The following SPCS2 variants were observed in gnomAD, a reference collection of about 807,000 sequenced individuals.
The protein encoded by SPCS2 is signal peptidase complex subunit 2.
A neutral mutation model predicts 22.3 loss-of-function variants in SPCS2; 3 were observed. The observed-to-expected ratio is 0.13, with a 90% CI of 0.06 to 0.35. The LOEUF (loss-of-function observed/expected upper bound fraction) is 0.35. Among genes scored for constraint, SPCS2 ranks in the 10% least tolerant of loss-of-function variants. SPCS2 has a pLI of 1.00. For missense variants in SPCS2, 169 were observed against 280.9 expected, an observed-to-expected ratio of 0.60 and a Z score of 2.85; for synonymous variants, 67 against 97.2, an observed-to-expected ratio of 0.69 and a Z score of 1.83.
intron 1 of SPCS2, chr11:74,963,702 C>T: frequency 2.8e-6 from 1 of 358,600 alleles, no homozygotes; most frequent in Non-Finnish European, 5.6e-6. Flanking sequence ...TCACCACTGC[C>T]ATCTCTTTAT....
intron 1 of SPCS2, among the ~76,000 whole-genome samples, chr11:74,958,896 C>T (rs758407191): frequency 2.0e-5 from 3 of 152,058 alleles, no homozygotes; most frequent in Admixed American, 6.6e-5. Context: ...TCCAGATCAT[C>T]TGCCAGGTTG....
intron 1 of SPCS2, among the ~76,000 whole-genome samples, chr11:74,951,386 A>AC (rs1948443843): frequency 1.3e-5 from 2 of 152,322 alleles, no homozygotes; most frequent in Admixed American, 1.3e-4. Context: ...GAGCACTCAG[A>AC]ATAGCCAAAT....
chr11:74,976,655 A>G (rs1948615613), intron 4 of SPCS2, among the ~76,000 whole-genome samples: 1 of 152,212 alleles, frequency 6.6e-6, no homozygotes, highest in Admixed American at 6.5e-5. Context: ...AGATATGTCA[A>G]CACCTAAGAA....
intron 1 of SPCS2, among the ~76,000 whole-genome samples, chr11:74,955,874 A>ATATATC (rs1948476044): frequency 8.9e-6 from 1 of 112,774 alleles, no homozygotes; most frequent in East Asian, 2.8e-4. Context: ...ATATATATAT[A>ATATATC]TATATATATA....
At chr11:74,967,341 CTCCCAAGAGAACTACCT>C (rs936565376) in intron 3 of SPCS2, among the ~76,000 whole-genome samples, 37 of 152,322 alleles carry the variant, frequency 2.4e-4, no homozygotes, top group African/African-American at 6.7e-4. Flanking sequence ...AATATCTGGC[CTCCCAAGAGAACTACCT>C]TGATGGTAAT....
At chr11:74,953,272 A>C (rs1276951228) in intron 1 of SPCS2, among the ~76,000 whole-genome samples, 2 of 151,226 alleles carry the variant, frequency 1.3e-5, no homozygotes, top group African/African-American at 4.9e-5. Context: ...CACTCACTGC[A>C]ACCCCCGCCT....
At chr11:74,958,198 G>C (rs954254039) in intron 1 of SPCS2, among the ~76,000 whole-genome samples, 7 of 152,170 alleles carry the variant, frequency 4.6e-5, no homozygotes, top group East Asian at 1.9e-4. Flanking sequence ...AGTTTCTCTG[G>C]GGTTGTCACT....
intron 3 of SPCS2, chr11:74,968,251 G>A (rs1948558577): frequency 1.3e-5 from 2 of 152,150 alleles, no homozygotes; most frequent in Admixed American, 6.5e-5. Flanking sequence ...GCTAACCTCT[G>A]TATCGTTCTA....
At chr11:74,964,948 T>C (rs1216468381) in intron 1 of SPCS2, 86 bp from the exon 2 acceptor site, 16 of 830,984 alleles carry the variant, frequency 1.9e-5, no homozygotes, top group Non-Finnish European at 2.7e-5. Context: ...TATATGTGCA[T>C]GAGGGATGCT....
At chr11:74,963,055 A>G (rs1265564952) in intron 1 of SPCS2, among the ~76,000 whole-genome samples, 2 of 152,230 alleles carry the variant, frequency 1.3e-5, no homozygotes, top group African/African-American at 4.8e-5. Context: ...AAATGACTTT[A>G]TTCTGACTTT....
chr11:74,953,972 C>T (rs1485774803), intron 1 of SPCS2, among the ~76,000 whole-genome samples: 1 of 152,222 alleles, frequency 6.6e-6, no homozygotes, highest in Non-Finnish European at 1.5e-5. Flanking sequence ...CAGCTTTAAT[C>T]TGTTTACATC....
chr11:74,950,065 T>A (rs562265), intron 1 of SPCS2, among the ~76,000 whole-genome samples: 67,989 of 151,378 alleles, frequency 0.45, 15,694 homozygotes, highest in Middle Eastern at 0.53. Flanking sequence ...TCCAAAAAAA[T>A]TTTTTTTAAC....
intron 1 of SPCS2, among the ~76,000 whole-genome samples, chr11:74,952,692 A>G (rs943622802): frequency 3.3e-5 from 5 of 152,238 alleles, no homozygotes; most frequent in African/African-American, 1.2e-4. Flanking sequence ...AAATAGAATG[A>G]CAAGGTGATG....
In SPCS2 at chr11:74,965,098, T is replaced by G; in HGVS notation, c.179T>G (p.Leu60Trp). Reference protein sequence around the residue: ...KWDGSAVKNSLDDSAKKVLLE... With the variant: ...KWDGSAVKNSWDDSAKKVLLE... ...GATGGATCAGCTGTGAAAAACTCTT[T>G]GGATGATTCTGCCAAAAAGGTACTT... The change falls in exon 2 of 5, where the codon TTG becomes TGG. Residue 60 changes from leucine to tryptophan, a missense_variant. Transcript: ENST00000263672. 1 of 1,550,848 alleles carries G rather than the reference T, an allele frequency of 6.4e-7. No homozygotes were observed. Among genetic ancestry groups the G allele is most frequent in the Non-Finnish European group, 8.7e-7 (1 of 1,146,250 alleles).
At chr11:74,975,010 C>G (rs555652728) in intron 4 of SPCS2, among the ~76,000 whole-genome samples, 57 of 152,246 alleles carry the variant, frequency 3.7e-4, no homozygotes, top group African/African-American at 1.3e-3. Flanking sequence ...AAACATAAGT[C>G]AGATCAACTC....
chr11:74,965,151 T>C lies in SPCS2; in HGVS notation c.198+34T>C, dbSNP rs1437808992. 22 of 1,361,410 alleles carry C rather than the reference T, an allele frequency of 1.6e-5. No individual in the cohort carries two copies. The Admixed American group carries it at 4.5e-4, about 28-fold the overall frequency. The allele number at this position is 1,361,410 out of a possible 1,614,324, so 84.3% of individuals were successfully genotyped here. ...TTGAGGAGGGGTTGGTTAGTATCTATACAGCTGATGGCCATCTCTCCTGGG... is the reference window on the plus strand; with the variant it reads ...TTGAGGAGGGGTTGGTTAGTATCTACACAGCTGATGGCCATCTCTCCTGGG... On this transcript the variant is annotated intron_variant, in intron 2 of 4. Coordinates refer to ENST00000263672, the MANE Select transcript of SPCS2 (RefSeq NM_014752.3).
Position 74,965,017 on chromosome 11 carries a change from T to G in SPCS2, c.115-17T>G, listed in dbSNP as rs1565486405. On this transcript the variant is annotated splice_polypyrimidine_tract_variant and intron_variant, in intron 1 of 4. Coordinates refer to ENST00000263672, the MANE Select transcript of SPCS2 (RefSeq NM_014752.3). The stretch of plus-strand genomic sequence containing the variant: ...GGCCAGGTTTCTTGATGCACAACTT[T>G]TTTGTTTGTTTTACAGTGGAAGATA... 1 of 1,537,392 alleles carries G rather than the reference T, an allele frequency of 6.5e-7. No homozygotes were observed. Among genetic ancestry groups the G allele is most frequent in the South Asian group, 1.2e-5 (1 of 82,220 alleles).
chr11:74,950,790 C>G (rs1948417092), intron 1 of SPCS2, among the ~76,000 whole-genome samples: 1 of 152,218 alleles, frequency 6.6e-6, no homozygotes, highest in South Asian at 2.1e-4. Context: ...AAGAGATCCT[C>G]CCACCTTGGC....
chr11:74,959,460 A>C (rs1001179808), intron 1 of SPCS2, among the ~76,000 whole-genome samples: 1 of 152,152 alleles, frequency 6.6e-6, no homozygotes, highest in African/African-American at 2.4e-5. Flanking sequence ...TGGCACAATC[A>C]CGGCTCACTG....
Sources: gnomAD v4.1 joint callset for allele counts (sites outside exome capture counted in the v4.1 genomes callset) on GRCh38, gnomAD v4.1.1 for gene constraint, MANE v1.5 for transcripts, NCBI Gene and HGNC (gene_info 2026-07-23, HGNC 2026-07-21) for gene names.